The following SIGLEC8 variants were observed in gnomAD, a reference collection of about 807,000 sequenced individuals.
The protein encoded by SIGLEC8 is sialic acid binding Ig like lectin 8.
Under a neutral mutation model 42.1 loss-of-function variants are expected in SIGLEC8, and 32 were observed. The observed-to-expected ratio is 0.76, with a 90% CI of 0.57 to 1.02. SIGLEC8 has a LOEUF of 1.02. Ranked by LOEUF, SIGLEC8 falls within the 50% of genes least tolerant of loss-of-function variation. SIGLEC8 has a pLI of 0.00. For missense variants in SIGLEC8, 611 were observed against 610.2 expected (o/e 1.00, Z -0.01); for synonymous variants, 262 against 260.3 (o/e 1.01, Z -0.06).
At position 51,458,251 on chromosome 19, in the gene SIGLEC8, G is replaced by A; in HGVS notation, c.137C>T (p.Pro46Leu). ...TVQEGLCVHV[P>L]CSFSYPQDGW... ...ATCCTGGGGGTAGGAGAAGGAGCAG[G>A]GCACATGGACACACAGGCCCTCCTG... Residue 46 changes from proline (P) to leucine (L), a missense_variant, in exon 1 of 7, where the codon CCC becomes CTC. Physicochemically the swap from Pro to Leu is moderately conservative, Grantham distance 98. Transcript: ENST00000321424. 6.2e-7 allele frequency: 1 copy of A among 1,614,086 alleles called. No individual in the cohort carries two copies. Among genetic ancestry groups the A allele is most frequent in the Non-Finnish European group, 8.5e-7 (1 of 1,180,012 alleles).
intron 3 of SIGLEC8, among the ~76,000 whole-genome samples, chr19:51,455,968 T>C (rs901837107): frequency 1.3e-5 from 2 of 149,598 alleles, no homozygotes; most frequent in African/African-American, 4.9e-5. Flanking sequence ...AGCAAACTAT[T>C]GCAAGGACAA....
At chr19:51,456,388 G>A (rs1280262100) in intron 3 of SIGLEC8, among the ~76,000 whole-genome samples, 1 of 152,154 alleles carries the variant, frequency 6.6e-6, no homozygotes, top group East Asian at 1.9e-4. Flanking sequence ...ACTTTTAATT[G>A]AGAACAACTT....
chr19:51,454,361 T>G lies in SIGLEC8; in HGVS notation c.1149-46A>C. On this transcript the variant is annotated intron_variant, in intron 5 of 6. Coordinates refer to ENST00000321424, the MANE Select transcript of SIGLEC8 (RefSeq NM_014442.3). The surrounding 1 kb of genome is among the most constrained non-coding windows in gnomAD (Gnocchi z 4.7). ...GCCTTTCAGTGTGGTCAGATCGGGG[T>G]GCAGTGGGCAGACCAACCCCTGCCC... is the stretch of plus-strand genomic sequence containing the variant. 6.2e-7 allele frequency: 1 copy of G among 1,611,854 alleles called. No individual in the cohort carries two copies. The highest frequency in any genetic ancestry group is 1.1e-5 in the South Asian group (1 of 90,970).
At chr19:51,453,891 A>G in intron 6 of SIGLEC8, 1 of 985,018 alleles carries the variant, frequency 1.0e-6, no homozygotes, top group African/African-American at 1.7e-5. Flanking sequence ...AAATAATGAG[A>G]GGGGTCAGGA....
Position 51,454,418 on chromosome 19 carries a change from C to A in SIGLEC8, c.1149-103G>T. 6.3e-7 allele frequency: 1 copy of A among 1,597,458 alleles called. No homozygotes were observed. The highest frequency in any genetic ancestry group is 1.1e-5 in the South Asian group (1 of 89,914). On this transcript the variant is annotated intron_variant, in intron 5 of 6. Transcript: ENST00000321424. The surrounding 1 kb of genome is among the most constrained non-coding windows in gnomAD (Gnocchi z 4.7). Reference sequence around the variant, plus strand: ...TCCTACTGGGGGCTTGAGGGGTGACCGAGGCGCAACGGCGGTGGTCCAGTT... The same window carrying A: ...TCCTACTGGGGGCTTGAGGGGTGACAGAGGCGCAACGGCGGTGGTCCAGTT...
rs1989450991 is a variant in SIGLEC8 at position 51,454,769 on chromosome 19, G to C, written c.1063C>G (p.Pro355Ala). ...GCTGCCAGTGTCACTTGTGATACAG[G>C]TCTTGAGGTGCCTGCAGATGGATTG... ...LQNEGTGTSR[P>A]VSQVTLAAVG... Residue 355 changes from proline (P) to alanine (A), a missense_variant, in exon 5 of 7, where the codon CCT becomes GCT. Coordinates refer to ENST00000321424, the MANE Select transcript of SIGLEC8 (RefSeq NM_014442.3). The surrounding 1 kb of genome is among the most constrained non-coding windows in gnomAD (Gnocchi z 4.7). 6.2e-7 allele frequency: 1 copy of C among 1,613,468 alleles called. No individual in the cohort carries two copies. Among genetic ancestry groups the C allele is most frequent in the African/African-American group, 1.3e-5 (1 of 74,908 alleles).
rs754064611 is a variant in SIGLEC8, at chr19:51,455,570, A to T, written c.899T>A (p.Leu300Gln). The stretch of plus-strand genomic sequence containing the variant: ...TGAGGACCGTGAGGGGCACAGGGTC[A>T]GGCTCCCCCGGGTCCAGCTCAGCCT... ...PARLSWTRGS[L>Q]TLCPSRSSNP... The change falls in exon 4 of 7, where the codon CTG becomes CAG. Residue 300 changes from leucine to glutamine, a missense_variant. Transcript: ENST00000321424. 5 of 1,613,962 alleles carry T rather than the reference A, an allele frequency of 3.1e-6. No individual in the cohort carries two copies. The highest frequency in any genetic ancestry group is 4.2e-6 in the Non-Finnish European group (5 of 1,179,920).
chr19:51,456,738 A>C (rs1222393839), intron 3 of SIGLEC8, among the ~76,000 whole-genome samples: 2 of 152,214 alleles, frequency 1.3e-5, no homozygotes, highest in African/African-American at 2.4e-5. Context: ...ACTGGAGGAC[A>C]GACTTTGCTG....
chr19:51,455,865 C>T (rs1989478263), intron 3 of SIGLEC8, among the ~76,000 whole-genome samples, 178 bp from the exon 4 acceptor site: 1 of 152,122 alleles, frequency 6.6e-6, no homozygotes, highest in Non-Finnish European at 1.5e-5. Context: ...GAAAATGTGG[C>T]ACATATACAC....
rs1202194545 is a variant in SIGLEC8 at position 51,455,512 on chromosome 19, G to A, written c.957C>T (p.His319=). The change falls in exon 4 of 7, where the codon CAC becomes CAT. Residue 319 remains histidine, a synonymous_variant. Transcript: ENST00000321424. ...AGGTGAATTCCCCTTCATCCCTCAC[G>A]TGCACTCGAGGCAGCTCCAGCAGCC... The part of the protein sequence containing the change: ...NPGLLELPRV[H]VRDEGEFTCR... 25 of 1,614,014 alleles carry A rather than the reference G, an allele frequency of 1.5e-5. No homozygotes were observed. Among genetic ancestry groups the A allele is most frequent in the Middle Eastern group, 1.6e-4 (1 of 6,084 alleles).
chr19:51,457,825 C>A, intron 1 of SIGLEC8, 86 bp from the exon 2 acceptor site: 5 of 1,546,522 alleles, frequency 3.2e-6, no homozygotes, highest in Non-Finnish European at 3.5e-6. Flanking sequence ...AGCTCCTCCC[C>A]GGAGACCGAC....
chr19:51,454,883 C>T lies in SIGLEC8; in HGVS notation c.1052-103G>A. ...CCCTAGACTTCCATTCCCCTCTTCT[C>T]CTTCCCAGACACAGAATACGAATGG... On this transcript the variant is annotated intron_variant, in intron 4 of 6. Coordinates refer to ENST00000321424, the MANE Select transcript of SIGLEC8 (RefSeq NM_014442.3). This position sits in a 1 kb window ranked among gnomAD's most constrained non-coding sequence, Gnocchi z 4.7. 3 of 777,708 alleles carry T rather than the reference C, an allele frequency of 3.9e-6. No individual in the cohort carries two copies. The highest frequency in any genetic ancestry group is 6.6e-6 in the Non-Finnish European group (3 of 451,428). 48.2% of individuals were successfully genotyped at this position (777,708 alleles called of 1,614,324 possible). A position where few individuals can be genotyped will look rare whatever the true frequency, so the allele number is the denominator to read the frequency against.
rs908833802 is a variant in SIGLEC8, at chr19:51,454,089, A to T, written c.1245+130T>A. The T allele has an allele frequency of 1.3e-6, 2 of 1,484,462 alleles. No individual in the cohort carries two copies. The highest frequency in any genetic ancestry group is 1.8e-6 in the Non-Finnish European group (2 of 1,119,316). 92.0% of individuals were successfully genotyped at this position (1,484,462 alleles called of 1,614,324 possible). ...CAGCAAGATGGGGGAGTCCTGTAGAAGCCGGCCTGTGGGAAGGAGGAGGAG... is the reference window on the plus strand; with the variant it reads ...CAGCAAGATGGGGGAGTCCTGTAGATGCCGGCCTGTGGGAAGGAGGAGGAG... On this transcript the variant is annotated intron_variant, in intron 6 of 6. Coordinates refer to ENST00000321424, the MANE Select transcript of SIGLEC8 (RefSeq NM_014442.3). This position sits in a 1 kb window ranked among gnomAD's most constrained non-coding sequence, Gnocchi z 4.7.
In SIGLEC8 at chr19:51,454,719, G is replaced by A. The variant is rs769715846; in HGVS notation, c.1113C>T (p.Ala371=). ...LAAVGGAGAT[A]LAFLSFCIIF... The stretch of plus-strand genomic sequence containing the variant: ...TGATGCAGAAGGACAGGAAGGCCAG[G>A]GCTGTGGCTCCAGCTCCCCCGACTG... Residue 371 remains alanine, a synonymous_variant, in exon 5 of 7, where the codon GCC becomes GCT. Transcript: ENST00000321424. The surrounding 1 kb of genome is among the most constrained non-coding windows in gnomAD (Gnocchi z 4.7). The A allele has an allele frequency of 6.8e-6, 11 of 1,613,724 alleles. No individual in the cohort carries two copies. The highest frequency in any genetic ancestry group is 1.1e-5 in the South Asian group (1 of 91,064).
chr19:51,453,066 A>G (rs1264172039), intron 6 of SIGLEC8, among the ~76,000 whole-genome samples: 1 of 150,668 alleles, frequency 6.6e-6, no homozygotes, highest in Non-Finnish European at 1.5e-5. Context: ...CCTGCAGCTC[A>G]GTTTTTGTTT....
chr19:51,458,239 G>C lies in SIGLEC8; in HGVS notation c.149C>G (p.Ser50Cys), dbSNP rs143551333. The C allele has an allele frequency of 8.1e-6, 13 of 1,614,040 alleles. No homozygotes were observed. The South Asian group carries it at 1.3e-4, about 16-fold the overall frequency. Residue 50 changes from serine (S) to cysteine (C), a missense_variant, in exon 1 of 7, where the codon TCC becomes TGC. By Grantham distance (112) the Ser-to-Cys change is moderately radical (BLOSUM62 -1). Coordinates refer to ENST00000321424, the MANE Select transcript of SIGLEC8 (RefSeq NM_014442.3). ...GTCAGTCCAGCCATCCTGGGGGTAGGAGAAGGAGCAGGGCACATGGACACA... is the reference window on the plus strand; with the variant it reads ...GTCAGTCCAGCCATCCTGGGGGTAGCAGAAGGAGCAGGGCACATGGACACA... The part of the protein sequence containing the change: ...GLCVHVPCSF[S>C]YPQDGWTDSD...
In SIGLEC8 at chr19:51,455,624, A is replaced by G. The variant is rs1989472220; in HGVS notation, c.845T>C (p.Val282Ala). The G allele has an allele frequency of 6.2e-7, 1 of 1,614,086 alleles. No individual in the cohort carries two copies. Among genetic ancestry groups the G allele is most frequent in the South Asian group, 1.1e-5 (1 of 91,062 alleles). The change falls in exon 4 of 7, where the codon GTC becomes GCC. Residue 282 changes from valine to alanine, a missense_variant. Coordinates refer to ENST00000321424, the MANE Select transcript of SIGLEC8 (RefSeq NM_014442.3). ...AGGGGGATTGCTGTTGACAGCACAG[A>G]CCAGGCGCAGAGACTGGCCCTCAAG... ...SVLEGQSLRL[V>A]CAVNSNPPAR...
In SIGLEC8 at chr19:51,452,219, G is replaced by A. The variant is rs886149564; in HGVS notation, c.*160C>T. 1.8e-5 allele frequency: 10 copies of A among 549,154 alleles called. No individual in the cohort carries two copies. The highest frequency in any genetic ancestry group is 9.4e-5 in the African/African-American group (5 of 53,276). 34.0% of individuals were successfully genotyped at this position (549,154 alleles called of 1,614,324 possible). A position where few individuals can be genotyped will look rare whatever the true frequency, so the allele number is the denominator to read the frequency against. On this transcript the variant is annotated 3_prime_UTR_variant, in exon 7 of 7. Coordinates refer to ENST00000321424, the MANE Select transcript of SIGLEC8 (RefSeq NM_014442.3). ...TAAAATAGTCAACCTCAGAGAGGTCGAGAGGAGAATGGTGGGTAGTAGAAG... is the reference window on the plus strand; with the variant it reads ...TAAAATAGTCAACCTCAGAGAGGTCAAGAGGAGAATGGTGGGTAGTAGAAG...
rs1162397054 is a variant in SIGLEC8 at position 51,451,652 on chromosome 19, C to T, written c.*727G>A. 1 of 152,214 alleles carries T rather than the reference C, an allele frequency of 6.6e-6. No individual in the cohort carries two copies. Among genetic ancestry groups the T allele is most frequent in the Non-Finnish European group, 1.5e-5 (1 of 68,054 alleles). 9.4% of individuals were successfully genotyped at this position (152,214 alleles called of 1,614,324 possible). On this transcript the variant is annotated 3_prime_UTR_variant, in exon 7 of 7. Transcript: ENST00000321424. ...AGAGAGACCCAGTGAGATTTCCACA[C>T]CCGGATACATCGTGGAACCATCAAG...
Sources: gnomAD v4.1 joint callset for allele counts (sites outside exome capture counted in the v4.1 genomes callset) on GRCh38, gnomAD v4.1.1 for gene constraint, Gnocchi (gnomAD v3.1) non-coding constraint, MANE v1.5 for transcripts, NCBI Gene and HGNC (gene_info 2026-07-23, HGNC 2026-07-21) for gene names.